PRKG1: variants seen among roughly 807,000 people sequenced by gnomAD.
The protein encoded by PRKG1 is cGMP-dependent protein kinase 1.
Under a neutral mutation model 88.1 loss-of-function variants are expected in PRKG1, and 35 were observed. The observed-to-expected ratio is 0.40, with a 90% confidence interval of 0.30 to 0.53. PRKG1 has a LOEUF of 0.53. PRKG1 is among the 20% of genes least tolerant of loss of function. PRKG1 has a pLI of 0.59. For synonymous variants in PRKG1, 303 were observed against 292.5 expected (o/e 1.04, Z -0.37); for missense variants, 540 against 839.8 (o/e 0.64, Z 4.41).
intron 2 of PRKG1, among the ~76,000 whole-genome samples, chr10:51,323,333 T>C (rs986458471): frequency 6.6e-6 from 1 of 152,230 alleles, no homozygotes; most frequent in Non-Finnish European, 1.5e-5. Flanking sequence ...AAGTTGTTTT[T>C]GTTTCAAATA....
chr10:51,753,766 A>G (rs1279976383), intron 3 of PRKG1, among the ~76,000 whole-genome samples: 2 of 152,200 alleles, frequency 1.3e-5, no homozygotes, highest in Non-Finnish European at 2.9e-5. Context: ...TTCAATTTAT[A>G]TGGTCTTAAA....
At chr10:51,415,790 G>A (rs953629626) in intron 2 of PRKG1, among the ~76,000 whole-genome samples, 1 of 152,042 alleles carries the variant, frequency 6.6e-6, no homozygotes, top group Non-Finnish European at 1.5e-5. Flanking sequence ...AGTCCCAATT[G>A]CATTTTCGAG....
At chr10:51,457,346 T>C (rs1839612576) in intron 2 of PRKG1, among the ~76,000 whole-genome samples, 1 of 152,184 alleles carries the variant, frequency 6.6e-6, no homozygotes, top group African/African-American at 2.4e-5. Context: ...AAATATGGTA[T>C]GTTCTCACTT....
chr10:51,911,618 C>A (rs960376433), intron 5 of PRKG1, among the ~76,000 whole-genome samples: 4 of 152,098 alleles, frequency 2.6e-5, no homozygotes, highest in African/African-American at 7.2e-5. Context: ...ATGAAGTAAA[C>A]ACACAAAATG....
chr10:50,998,968 T>C (rs1260337147), intron 1 of PRKG1, among the ~76,000 whole-genome samples: 1 of 152,228 alleles, frequency 6.6e-6, no homozygotes, highest in Non-Finnish European at 1.5e-5. Context: ...TCACTAAACA[T>C]TATTGATGGA....
chr10:52,164,671 A>G (rs1051632742), intron 9 of PRKG1, among the ~76,000 whole-genome samples: 2 of 152,200 alleles, frequency 1.3e-5, no homozygotes, highest in Admixed American at 6.5e-5. Flanking sequence ...TACTTACATC[A>G]AAGTAGTTTC....
intron 8 of PRKG1, among the ~76,000 whole-genome samples, chr10:52,150,156 A>AATAAT (rs200569630): frequency 0.021 from 1,517 of 73,602 alleles, 26 homozygotes; most frequent in African/African-American, 0.039. Context: ...TCAAAATAAT[A>AATAAT]ATAATAATAA....
chr10:51,997,189 A>T (rs1207489542), intron 5 of PRKG1, among the ~76,000 whole-genome samples: 1 of 152,002 alleles, frequency 6.6e-6, no homozygotes, highest in Non-Finnish European at 1.5e-5. Flanking sequence ...TAAGAGAAAT[A>T]AAGCTGGGCG....
chr10:51,797,376 AATAT>A (rs1839041245), intron 3 of PRKG1, among the ~76,000 whole-genome samples: 1 of 146,334 alleles, frequency 6.8e-6, no homozygotes, highest in Admixed American at 6.9e-5. Context: ...TATATAATAA[AATAT>A]ATATTATATA....
chr10:51,512,351 C>G lies in PRKG1; in HGVS notation c.592+44515C>G, dbSNP rs544012785. Among the ~76,000 whole-genome samples the G allele has an allele frequency of 7.4e-4, 81 of 109,856 alleles. 1 individual carries two copies. Among genetic ancestry groups the G allele is most frequent in the African/African-American group, 2.7e-3 (78 of 28,656 alleles). The allele number at this position is 109,856 out of a possible 152,430, so 72.1% of individuals were successfully genotyped here. On this transcript the variant is annotated intron_variant, in intron 3 of 17. Transcript: ENST00000373980. ...CAATGCTATCCCTCCCCCCTCCCCC[C>G]ACCCCACCACAGTCTCCAGAGTGTG...
chr10:51,244,887 A>T (rs1589274763), intron 2 of PRKG1: 1 of 151,446 alleles, frequency 6.6e-6, no homozygotes, highest in Non-Finnish European at 1.5e-5. Flanking sequence ...TTTTAACTGC[A>T]AACTTCACAG....
chr10:51,562,535 G>C (rs1390934870), intron 3 of PRKG1, among the ~76,000 whole-genome samples: 1 of 151,964 alleles, frequency 6.6e-6, no homozygotes, highest in Non-Finnish European at 1.5e-5. Flanking sequence ...TGAGGCTCTT[G>C]TTATACTCCT....
intron 2 of PRKG1, among the ~76,000 whole-genome samples, chr10:51,204,962 G>C (rs111493464): frequency 0.02 from 3,068 of 151,978 alleles, 47 homozygotes; most frequent in Middle Eastern, 0.051. Flanking sequence ...TGAGCATGGT[G>C]TGTACTTTCC....
intron 8 of PRKG1, among the ~76,000 whole-genome samples, chr10:52,146,259 A>G (rs10508966): frequency 0.067 from 10,127 of 152,260 alleles, 586 homozygotes; most frequent in East Asian, 0.35. Flanking sequence ...GAAAGCATAG[A>G]GACATATAAA....
At chr10:51,155,454 G>T (rs552563886) in intron 2 of PRKG1, among the ~76,000 whole-genome samples, 56 of 152,138 alleles carry the variant, frequency 3.7e-4, no homozygotes, top group African/African-American at 1.2e-3. Flanking sequence ...TAGATGAGGA[G>T]ACTGAAGCTT....
intron 4 of PRKG1, among the ~76,000 whole-genome samples, chr10:51,833,333 T>C (rs1840049768): frequency 1.3e-5 from 2 of 152,182 alleles, no homozygotes; most frequent in Admixed American, 1.3e-4. Context: ...GGATAGTCAT[T>C]GAGCATATAG....
chr10:52,122,884 G>A (rs913465498), intron 7 of PRKG1, among the ~76,000 whole-genome samples: 2 of 152,168 alleles, frequency 1.3e-5, no homozygotes, highest in East Asian at 3.8e-4. Flanking sequence ...GAATATGGAA[G>A]ATGTACAGGT....
intron 1 of PRKG1, among the ~76,000 whole-genome samples, chr10:51,144,622 A>G (rs1020723497): frequency 2.0e-5 from 3 of 152,134 alleles, no homozygotes; most frequent in African/African-American, 7.2e-5. Flanking sequence ...GACTAGGAGC[A>G]TGATTGTTTG....
At chr10:52,081,730 A>G in intron 7 of PRKG1, 2 of 455,086 alleles carry the variant, frequency 4.4e-6, no homozygotes, top group South Asian at 3.1e-5. Context: ...GTAAGGGTGA[A>G]CAAGGTGGTA....
Sources: gnomAD v4.1 joint callset for allele counts (sites outside exome capture counted in the v4.1 genomes callset) on GRCh38, gnomAD v4.1.1 for gene constraint, MANE v1.5 for transcripts, NCBI Gene and HGNC (gene_info 2026-07-23, HGNC 2026-07-21) for gene names.